RERE: variants seen among roughly 807,000 people sequenced by gnomAD.
RERE encodes arginine-glutamic acid dipeptide repeats protein.
In RERE, 40 loss-of-function variants were observed where a neutral mutation model predicts 146.1. The observed-to-expected ratio is 0.27, with a 90% CI of 0.21 to 0.36. The LOEUF is 0.36. Among genes scored for constraint, RERE ranks in the 10% least tolerant of loss-of-function variants. The pLI, the probability that RERE is intolerant of heterozygous loss-of-function variation, is 1.00. For missense variants in RERE, 1,933 were observed against 2,138.7 expected, an observed-to-expected ratio of 0.90 and a Z score of 1.90; for synonymous variants, 1,003 against 866.0, an observed-to-expected ratio of 1.16 and a Z score of -2.78.
intron 1 of RERE, among the ~76,000 whole-genome samples, chr1:8,783,647 G>A (rs990712475): frequency 3.3e-5 from 5 of 152,232 alleles, no homozygotes; most frequent in South Asian, 4.1e-4. Context: ...CTACTAAACA[G>A]AAATTAAATT....
chr1:8,787,267 T>A (rs1641275475), intron 1 of RERE, among the ~76,000 whole-genome samples: 1 of 152,244 alleles, frequency 6.6e-6, no homozygotes, highest in African/African-American at 2.4e-5. Context: ...CTCCCTAGCC[T>A]GTTCAAGGCC....
At chr1:8,640,405 T>C (rs1647161730) in intron 2 of RERE, among the ~76,000 whole-genome samples, 1 of 152,182 alleles carries the variant, frequency 6.6e-6, no homozygotes. Context: ...CAAAGGGATA[T>C]AAAACTGTAC....
chr1:8,366,111 T>A, intron 12 of RERE, 137 bp from the exon 13 acceptor site: 1 of 945,876 alleles, frequency 1.1e-6, no homozygotes, highest in Non-Finnish European at 1.6e-6. Context: ...GCTCCTGGAG[T>A]TGGGAGAGGA....
chr1:8,447,956 T>TGCTG (rs1173714320), intron 11 of RERE, among the ~76,000 whole-genome samples: 1 of 152,112 alleles, frequency 6.6e-6, no homozygotes, highest in Admixed American at 6.5e-5. Flanking sequence ...CACTCACCAC[T>TGCTG]GCTGCGGCTC....
Position 8,358,272 on chromosome 1 carries a change from G to A in RERE, c.4263C>T (p.Asn1421=), listed in dbSNP as rs199623549. 5.4e-5 allele frequency: 87 copies of A among 1,613,610 alleles called. No individual in the cohort carries two copies. Among genetic ancestry groups the A allele is most frequent in the East Asian group, 3.1e-4 (14 of 44,856 alleles). ...AGTGCTGGTGATGGTGCGGAGTCAC[G>A]TTGAACATCTGCAGTCGGGCCAGGG... is the stretch of plus-strand genomic sequence containing the variant. ...SDPLARLQMF[N]VTPHHHQHSH... The change falls in exon 20 of 23, where the codon AAC becomes AAT. Residue 1421 remains asparagine, a synonymous_variant. Coordinates refer to ENST00000400908, the MANE Select transcript of RERE (RefSeq NM_001042681.2).
chr1:8,814,894 A>G (rs1641881107), intron 1 of RERE, among the ~76,000 whole-genome samples: 1 of 152,230 alleles, frequency 6.6e-6, no homozygotes. Context: ...GTCGAAGCAC[A>G]ACCAGTAACA....
chr1:8,528,688 A>C (rs922437389), intron 7 of RERE, among the ~76,000 whole-genome samples: 9 of 152,200 alleles, frequency 5.9e-5, no homozygotes, highest in Non-Finnish European at 1.0e-4. Flanking sequence ...AGGATATAGA[A>C]TAAGCAAATA....
intron 7 of RERE, among the ~76,000 whole-genome samples, chr1:8,531,576 C>T (rs1259371748): frequency 1.3e-5 from 2 of 152,202 alleles, no homozygotes; most frequent in East Asian, 3.9e-4. Context: ...ATTTCCAACC[C>T]TCACATATTT....
intron 1 of RERE, among the ~76,000 whole-genome samples, chr1:8,749,428 G>GAA (rs35901893): frequency 2.1e-5 from 3 of 142,142 alleles, no homozygotes; most frequent in South Asian, 2.2e-4. Flanking sequence ...TTTTGCTCTG[G>GAA]AAAAAAAAAA....
chr1:8,365,761 C>A, intron 13 of RERE, 51 bp downstream of exon 13: 1 of 1,597,766 alleles, frequency 6.3e-7, no homozygotes, highest in Non-Finnish European at 8.6e-7. Context: ...GGACAGGCTG[C>A]CCGTGAACAG....
rs528850443 is a variant in RERE at position 8,814,177 on chromosome 1, T to C, written c.-145+2983A>G. Among the ~76,000 whole-genome samples, 42 of 152,292 alleles carry C rather than the reference T, an allele frequency of 2.8e-4. 1 individual carries two copies. The South Asian group carries it at 6.8e-3, about 25-fold the overall frequency. ...AACTTTAGAGATTACTCTTGAAGTTTTGAAAGTAAAGTGAATCAGAAGTCA... is the reference window on the plus strand; with the variant it reads ...AACTTTAGAGATTACTCTTGAAGTTCTGAAAGTAAAGTGAATCAGAAGTCA... On this transcript the variant is annotated intron_variant, in intron 1 of 22. Transcript: ENST00000400908.
chr1:8,740,498 C>T (rs898185252), intron 1 of RERE, among the ~76,000 whole-genome samples: 1 of 152,194 alleles, frequency 6.6e-6, no homozygotes, highest in African/African-American at 2.4e-5. Context: ...TCTTCAATAA[C>T]AAATCAGCCT....
At position 8,715,384 on chromosome 1, in the gene RERE, G is replaced by A. The variant is rs532296618; in HGVS notation, c.-144-58943C>T. 1.4e-4 allele frequency among the ~76,000 whole-genome samples: 21 copies of A among 151,796 alleles called. 1 individual carries two copies. The East Asian group carries it at 2.2e-3, about 16-fold the overall frequency. ...AAATTAGCCAGGCGTGGTGGCAGGC[G>A]CCTGTAATCCGTGCTACTGGGGAGG... On this transcript the variant is annotated intron_variant, in intron 1 of 22. Transcript: ENST00000400908.
At chr1:8,743,077 G>C (rs549636345) in intron 1 of RERE, among the ~76,000 whole-genome samples, 1 of 151,936 alleles carries the variant, frequency 6.6e-6, no homozygotes, top group South Asian at 2.1e-4. Context: ...TTACACACTT[G>C]TTTAAAAAAA....
intron 1 of RERE, among the ~76,000 whole-genome samples, chr1:8,816,222 CCT>C (rs1641908450): frequency 1.3e-5 from 2 of 152,230 alleles, no homozygotes; most frequent in South Asian, 4.2e-4. Context: ...CCAAGTTCAC[CCT>C]CTTACTAGTT....
chr1:8,356,443 A>G lies in RERE; in HGVS notation c.4340-197T>C, dbSNP rs1414701750. Among the ~76,000 whole-genome samples, 4 of 152,104 alleles carry G rather than the reference A, an allele frequency of 2.6e-5. No individual in the cohort carries two copies. The highest frequency in any genetic ancestry group is 9.7e-5 in the African/African-American group (4 of 41,406). ...TTCAGCAAGAGCTCCAGAGGCCGAG[A>G]GAAGTGACGAGCCCACCGCTGATGC... On this transcript the variant is annotated intron_variant, in intron 20 of 22. Transcript: ENST00000400908. The surrounding 1 kb of genome is among the most constrained non-coding windows in gnomAD (Gnocchi z 5.2).
intron 4 of RERE, among the ~76,000 whole-genome samples, chr1:8,579,258 C>T (rs957772126): frequency 4.5e-5 from 3 of 67,326 alleles, no homozygotes; most frequent in Non-Finnish European, 1.1e-4. Flanking sequence ...GTTCCTAATC[C>T]TCTGTGTTCA....
Position 8,358,526 on chromosome 1 carries a change from G to A in RERE, c.4009C>T (p.Leu1337=). 4 of 1,598,558 alleles carry A rather than the reference G, an allele frequency of 2.5e-6. No individual in the cohort carries two copies. The highest frequency in any genetic ancestry group is 3.4e-6 in the Non-Finnish European group (4 of 1,173,282). ...TCCATGGGGTTGGCGGCTGGGTGCA[G>A]GGGGTCCAGCTCTGGGGGCTTCACC... ...FEVKPPELDP[L]HPAANPMEHF... The change falls in exon 20 of 23, where the codon CTG becomes TTG. Residue 1337 remains leucine (L), a synonymous_variant. Transcript: ENST00000400908.
chr1:8,738,434 C>T (rs1640242544), intron 1 of RERE, among the ~76,000 whole-genome samples: 1 of 152,060 alleles, frequency 6.6e-6, no homozygotes, highest in Non-Finnish European at 1.5e-5. Flanking sequence ...AATCCTCCTG[C>T]CTCAGCCTCC....
Sources: allele counts gnomAD v4.1 joint callset (sites outside exome capture counted in the v4.1 genomes callset), GRCh38; gene constraint gnomAD v4.1.1; non-coding constraint Gnocchi (gnomAD v3.1); transcripts MANE v1.5; gene names NCBI Gene and HGNC (gene_info 2026-07-23, HGNC 2026-07-21).